AFF1: variants seen among roughly 807,000 people sequenced by gnomAD.
AFF1 encodes AF4/FMR2 family member 1.
AFF1 carries 48 observed loss-of-function variants against 121.7 expected under a neutral mutation model. The observed-to-expected ratio is 0.39, with a 90% CI of 0.31 to 0.50. AFF1 has a LOEUF of 0.50. Ranked by LOEUF, AFF1 falls within the 20% of genes least tolerant of loss-of-function variation. The pLI is 0.76. For missense variants in AFF1, 1,523 were observed against 1,511.7 expected, an observed-to-expected ratio of 1.01 and a Z score of -0.12; for synonymous variants, 613 against 563.0, an observed-to-expected ratio of 1.09 and a Z score of -1.26.
intron 10 of AFF1, 124 bp from the exon 11 acceptor site, chr4:87,108,035 A>G (rs745995880): frequency 4.1e-6 from 4 of 982,556 alleles, no homozygotes; most frequent in Non-Finnish European, 4.3e-6. Context: ...GGATGACATG[A>G]TAGTTTAGCA....
chr4:87,138,625 A>G lies in AFF1; in HGVS notation c.*2924A>G, dbSNP rs1447761663. 3 of 228,672 alleles carry G rather than the reference A, an allele frequency of 1.3e-5. No individual in the cohort carries two copies. Among genetic ancestry groups the G allele is most frequent in the African/African-American group, 6.9e-5 (3 of 43,788 alleles). 14.2% of individuals were successfully genotyped at this position (228,672 alleles called of 1,614,324 possible). On this transcript the variant is annotated 3_prime_UTR_variant, in exon 21 of 21. Transcript: ENST00000395146. The stretch of plus-strand genomic sequence containing the variant: ...TTTAAGAGCCCTGCTAAATAATGAA[A>G]AAACACTTTACTAAAATTTATCAAA...
chr4:87,134,075 A>C (rs549016335), intron 19 of AFF1, among the ~76,000 whole-genome samples: 1 of 152,250 alleles, frequency 6.6e-6, no homozygotes, highest in African/African-American at 2.4e-5. Context: ...GGAAGCTGTG[A>C]TATATCCAGG....
intron 4 of AFF1, among the ~76,000 whole-genome samples, chr4:87,052,988 T>G (rs1731424332): frequency 6.6e-6 from 1 of 152,042 alleles, no homozygotes. Context: ...GGGTCATGTA[T>G]TAAGATCATG....
At chr4:87,081,692 A>G (rs553871469) in intron 4 of AFF1, among the ~76,000 whole-genome samples, 4 of 152,300 alleles carry the variant, frequency 2.6e-5, no homozygotes, top group African/African-American at 9.6e-5. Context: ...TTGGAATGAA[A>G]TCACTGTTCC....
intron 2 of AFF1, among the ~76,000 whole-genome samples, chr4:86,974,423 TAC>T (rs1723152542): frequency 6.6e-6 from 1 of 152,152 alleles, no homozygotes; most frequent in African/African-American, 2.4e-5. Flanking sequence ...GCTGGGATTA[TAC>T]AGTCTTGAGC....
At chr4:87,000,703 G>C (rs1725638677) in intron 2 of AFF1, among the ~76,000 whole-genome samples, 1 of 151,078 alleles carries the variant, frequency 6.6e-6, no homozygotes, top group Non-Finnish European at 1.5e-5. Flanking sequence ...TGGTATAATT[G>C]TAGGCTAATA....
chr4:87,022,574 ATATATATATCTATCTATATC>A (rs1314625308), intron 2 of AFF1, among the ~76,000 whole-genome samples: 5,097 of 80,624 alleles, frequency 0.063, 216 homozygotes, highest in East Asian at 0.099. Flanking sequence ...ATATATATAT[ATATATATATCTATCTATATC>A]TATCTGTGTG....
intron 1 of AFF1, among the ~76,000 whole-genome samples, chr4:86,941,100 A>C (rs943806602): frequency 1.3e-5 from 2 of 151,218 alleles, no homozygotes; most frequent in African/African-American, 2.4e-5. Flanking sequence ...TTTCAAAACA[A>C]AACCTGTGAA....
chr4:87,106,242 G>C (rs955567335), intron 10 of AFF1, among the ~76,000 whole-genome samples: 3 of 152,138 alleles, frequency 2.0e-5, no homozygotes, highest in Non-Finnish European at 4.4e-5. Context: ...AATTAGCCAG[G>C]CATGGTGGCG....
chr4:86,951,615 CTTTTTTTCT>C (rs1176492678), intron 2 of AFF1, among the ~76,000 whole-genome samples: 2 of 124,944 alleles, frequency 1.6e-5, no homozygotes, highest in Admixed American at 8.6e-5. Context: ...TTTCTTTTTT[CTTTTTTTCT>C]TTTTTTTTTT....
chr4:86,995,683 C>T (rs922370946), intron 2 of AFF1, among the ~76,000 whole-genome samples: 7 of 151,524 alleles, frequency 4.6e-5, no homozygotes, highest in African/African-American at 1.7e-4. Context: ...TCCCAGCAGC[C>T]TGCCTTGGCC....
At chr4:87,043,383 A>T (rs1333127530) in intron 2 of AFF1, among the ~76,000 whole-genome samples, 2 of 152,182 alleles carry the variant, frequency 1.3e-5, no homozygotes, top group Non-Finnish European at 2.9e-5. Context: ...TGCTCAGAGG[A>T]TGGTTGCCTG....
chr4:87,060,657 G>C (rs1000525076), intron 4 of AFF1, among the ~76,000 whole-genome samples: 1 of 151,822 alleles, frequency 6.6e-6, no homozygotes, highest in African/African-American at 2.4e-5. Context: ...TAACCAACAA[G>C]GTGAAACCCC....
chr4:87,112,177 C>T (rs2149761236), intron 11 of AFF1, among the ~76,000 whole-genome samples: 1 of 152,306 alleles, frequency 6.6e-6, no homozygotes, highest in African/African-American at 2.4e-5. Flanking sequence ...TAACCACACC[C>T]TGAAGTCTCC....
intron 2 of AFF1, among the ~76,000 whole-genome samples, chr4:87,041,708 T>C (rs780255066): frequency 3.3e-5 from 5 of 151,912 alleles, no homozygotes; most frequent in East Asian, 1.9e-4. Context: ...AGTTAACTTA[T>C]AGTTATTGAA....
At chr4:87,084,710 G>GT (rs1486182080) in intron 5 of AFF1, among the ~76,000 whole-genome samples, 4 of 152,154 alleles carry the variant, frequency 2.6e-5, no homozygotes, top group African/African-American at 9.7e-5. Context: ...GTCTTGGAAC[G>GT]TAATTGAATT....
intron 11 of AFF1, among the ~76,000 whole-genome samples, chr4:87,110,495 G>C (rs1020560410): frequency 7.0e-6 from 1 of 142,114 alleles, no homozygotes; most frequent in African/African-American, 2.9e-5. Flanking sequence ...TGTTGGTACC[G>C]ATTAACCATC....
intron 2 of AFF1, among the ~76,000 whole-genome samples, chr4:86,995,885 G>A (rs564097899): frequency 0.018 from 2,771 of 150,752 alleles, 70 homozygotes; most frequent in African/African-American, 0.064. Context: ...CTGCCCGGCC[G>A]CCCATCGTCT....
At chr4:86,975,502 C>T (rs142376841) in intron 2 of AFF1, among the ~76,000 whole-genome samples, 16 of 152,300 alleles carry the variant, frequency 1.1e-4, no homozygotes, top group African/African-American at 2.9e-4. Flanking sequence ...CCTCCTGCCT[C>T]GGCCTCCCAA....
Sources: gnomAD v4.1 joint callset for allele counts (sites outside exome capture counted in the v4.1 genomes callset) on GRCh38, gnomAD v4.1.1 for gene constraint, MANE v1.5 for transcripts, NCBI Gene and HGNC (gene_info 2026-07-23, HGNC 2026-07-21) for gene names.